FAM107A: variants seen among roughly 807,000 people sequenced by gnomAD.
The protein encoded by FAM107A is family with sequence similarity 107 member A.
A neutral mutation model predicts 13.7 loss-of-function variants in FAM107A; 19 were observed. The observed-to-expected ratio is 1.38, with a 90% CI of 0.97 to 2.03. The LOEUF is 2.03. Ranked by LOEUF, FAM107A falls within the 30% of genes most tolerant of loss-of-function variation. FAM107A has a pLI of 0.00. For missense variants in FAM107A, 203 were observed against 184.4 expected (o/e 1.10, Z -0.58); for synonymous variants, 82 against 74.5 (o/e 1.10, Z -0.52).
chr3:58,573,191 C>T (rs928091802), intron 1 of FAM107A, among the ~76,000 whole-genome samples: 9 of 152,182 alleles, frequency 5.9e-5, no homozygotes, highest in Non-Finnish European at 1.3e-4. Context: ...TCGCCTTTGC[C>T]ACTCAGGGTG....
intron 1 of FAM107A, chr3:58,627,327 C>T (rs936371905): frequency 2.9e-5 from 11 of 375,044 alleles, no homozygotes; most frequent in South Asian, 1.5e-4. Context: ...TGAGGGAAGA[C>T]GTGGGGCAGT....
rs147382110 is a variant in FAM107A, at chr3:58,576,044, C to G, written c.-6+1265G>C. 3.3e-5 allele frequency among the ~76,000 whole-genome samples: 5 copies of G among 152,356 alleles called. No homozygotes were observed. In the East Asian group the frequency reaches 9.6e-4, roughly 29 times the overall value. On this transcript the variant is annotated intron_variant, in intron 1 of 3. Coordinates refer to ENST00000360997, the MANE Select transcript of FAM107A (RefSeq NM_001076778.3). ...ACAGGCATTCAGTAAAAGTGACAAGCACGGTCACTGGATTTCCTGACCCTT... is the reference window on the plus strand; with the variant it reads ...ACAGGCATTCAGTAAAAGTGACAAGGACGGTCACTGGATTTCCTGACCCTT...
At chr3:58,596,358 GC>G (rs1265169239) in intron 1 of FAM107A, among the ~76,000 whole-genome samples, 4 of 152,186 alleles carry the variant, frequency 2.6e-5, no homozygotes, top group Non-Finnish European at 4.4e-5. Context: ...AAGGGACCTT[GC>G]TTTATTTGTT....
exon 1 of FAM107A, chr3:58,587,103 C>T (rs1246953075): frequency 6.6e-6 from 9 of 1,365,700 alleles, no homozygotes; most frequent in African/African-American, 3.1e-5. Context: ...GAGGAGACGC[C>T]GCCGGGGGAA....
chr3:58,569,621 A>G lies in FAM107A; in HGVS notation c.170+70T>C, dbSNP rs780517116. Reference sequence around the variant, plus strand: ...ATGAAAGCCAGCTCTGCTTTCCTCCAGGGTCACCTTCCCCATCCCCCACAG... The same window carrying G: ...ATGAAAGCCAGCTCTGCTTTCCTCCGGGGTCACCTTCCCCATCCCCCACAG... On this transcript the variant is annotated intron_variant, in intron 2 of 3. Transcript: ENST00000360997. The surrounding 1 kb of genome is among the most constrained non-coding windows in gnomAD (Gnocchi z 5.7). 9.6e-5 allele frequency: 129 copies of G among 1,339,594 alleles called. No individual in the cohort carries two copies. Among genetic ancestry groups the G allele is most frequent in the Non-Finnish European group, 1.3e-4 (122 of 974,412 alleles). 83.0% of individuals were successfully genotyped at this position (1,339,594 alleles called of 1,614,324 possible).
intron 2 of FAM107A, among the ~76,000 whole-genome samples, chr3:58,568,914 G>C (rs891118761): frequency 2.0e-5 from 3 of 151,948 alleles, no homozygotes; most frequent in African/African-American, 7.3e-5. Flanking sequence ...TGCCCCTCTG[G>C]CTCGTCTCTG....
At chr3:58,567,065 G>A (rs2063629112) in intron 3 of FAM107A, 143 bp downstream of exon 3, 1 of 1,016,412 alleles carries the variant, frequency 9.8e-7, no homozygotes, top group Middle Eastern at 2.1e-4. Context: ...GGCAGAGGGA[G>A]GACTCAGGCC....
intron 1 of FAM107A, among the ~76,000 whole-genome samples, chr3:58,607,446 A>G (rs2065805499): frequency 6.6e-6 from 1 of 152,024 alleles, no homozygotes; most frequent in South Asian, 2.1e-4. Flanking sequence ...CCCTGTGCTG[A>G]CCCTTTGGTG....
At chr3:58,596,634 G>A (rs151326728) in intron 1 of FAM107A, among the ~76,000 whole-genome samples, 68 of 150,736 alleles carry the variant, frequency 4.5e-4, no homozygotes, top group African/African-American at 1.6e-3. Context: ...AGCCCAGATC[G>A]TGCCACTGCA....
chr3:58,593,504 C>T (rs546132481), intron 1 of FAM107A, among the ~76,000 whole-genome samples: 6 of 152,204 alleles, frequency 3.9e-5, no homozygotes, highest in Non-Finnish European at 8.8e-5. Flanking sequence ...AAACAACCAC[C>T]CTTAAGTCTC....
At chr3:58,568,239 C>T (rs2063643421) in intron 2 of FAM107A, among the ~76,000 whole-genome samples, 2 of 152,100 alleles carry the variant, frequency 1.3e-5, no homozygotes, top group Non-Finnish European at 1.5e-5. Flanking sequence ...CCGAGACCAT[C>T]CTGGCTAACA....
rs1229325535 is a variant in FAM107A at position 58,565,122 on chromosome 3, C to T, written c.*1466G>A. 1.3e-5 allele frequency: 2 copies of T among 152,278 alleles called. No individual in the cohort carries two copies. The highest frequency in any genetic ancestry group is 3.9e-4 in the East Asian group (2 of 5,178). 9.4% of individuals were successfully genotyped at this position (152,278 alleles called of 1,614,324 possible). ...GATGATGGGTTTAGGAAGCCAGAGG[C>T]AGGGATTTCAGGGGAAAAGAAACAG... On this transcript the variant is annotated 3_prime_UTR_variant, in exon 4 of 4. Transcript: ENST00000360997.
At chr3:58,570,617 GAGAGAGAGAGAGAGA>G (rs2063673116) in intron 1 of FAM107A, among the ~76,000 whole-genome samples, 1 of 123,590 alleles carries the variant, frequency 8.1e-6, no homozygotes, top group Non-Finnish European at 1.7e-5. Flanking sequence ...GAGAGAGAGA[GAGAGAGAGAGAGAGA>G]GAGAAAGAGA....
rs193120884 is a variant in FAM107A at position 58,613,157 on chromosome 3, C to A, written c.-70+14259G>T. On this transcript the variant is annotated intron_variant, in intron 1 of 3. Coordinates refer to the FAM107A transcript ENST00000465970. This position sits in a 1 kb window ranked among gnomAD's most constrained non-coding sequence, Gnocchi z 4.6. Reference sequence around the variant, plus strand: ...AACTGCCTGTTTTGTCAGGTAACACCGACAAAAATAGCAGCCATTTGTTGA... The same window carrying A: ...AACTGCCTGTTTTGTCAGGTAACACAGACAAAAATAGCAGCCATTTGTTGA... Among the ~76,000 whole-genome samples, 741 of 152,162 alleles carry A rather than the reference C, an allele frequency of 4.9e-3. 7 individuals are homozygous for A. The highest frequency in any genetic ancestry group is 0.046 in the South Asian group (220 of 4,812).
rs1442310667 is a variant in FAM107A at position 58,604,684 on chromosome 3, A to G, written c.-69-15415T>C. Among the ~76,000 whole-genome samples, 1 of 152,186 alleles carries G rather than the reference A, an allele frequency of 6.6e-6. No individual in the cohort carries two copies. On this transcript the variant is annotated intron_variant, in intron 1 of 3. Coordinates refer to the FAM107A transcript ENST00000465970. The surrounding 1 kb of genome is among the most constrained non-coding windows in gnomAD (Gnocchi z 4.1). ...ATAAATTATTACTTTGCTCACACGG[A>G]GATAAGCAGCTGGCATTTGTTGGGC...
chr3:58,579,663 T>C (rs1489662007), upstream of FAM107A, among the ~76,000 whole-genome samples: 1 of 152,200 alleles, frequency 6.6e-6, no homozygotes, highest in Non-Finnish European at 1.5e-5. Context: ...CAGTGCCTTC[T>C]AACAGTTGGA....
In FAM107A at chr3:58,604,935, T is replaced by TAAAA. The variant is rs1397182536; in HGVS notation, c.-69-15667_-69-15666insTTTT. Among the ~76,000 whole-genome samples, 202 of 152,224 alleles carry TAAAA rather than the reference T, an allele frequency of 1.3e-3. 3 individuals are homozygous for TAAAA. The highest frequency in any genetic ancestry group is 4.6e-3 in the African/African-American group (192 of 41,532). ...GATTTTGTTATCTTTTTCTGATGAG[T>TAAAA]GTTAGGTTTTGTTTTAGCAGGCAGT... On this transcript the variant is annotated intron_variant, in intron 1 of 3. Coordinates refer to the FAM107A transcript ENST00000465970. The surrounding 1 kb of genome is among the most constrained non-coding windows in gnomAD (Gnocchi z 4.1).
chr3:58,600,410 G>C (rs2065743886), intron 1 of FAM107A, among the ~76,000 whole-genome samples: 1 of 152,158 alleles, frequency 6.6e-6, no homozygotes, highest in African/African-American at 2.4e-5. Flanking sequence ...TACCCATGCA[G>C]CAGGCATGAT....
chr3:58,608,932 A>G (rs1415430490), intron 1 of FAM107A: 1 of 152,248 alleles, frequency 6.6e-6, no homozygotes, highest in African/African-American at 2.4e-5. Flanking sequence ...GTGAGTTGGC[A>G]GAGCTGGAAT....
Sources: allele counts gnomAD v4.1 joint callset (sites outside exome capture counted in the v4.1 genomes callset), GRCh38; gene constraint gnomAD v4.1.1; non-coding constraint Gnocchi (gnomAD v3.1); transcripts MANE v1.5; gene names NCBI Gene and HGNC (gene_info 2026-07-23, HGNC 2026-07-21).